HEG1: variants seen among roughly 807,000 people sequenced by gnomAD.
The protein encoded by HEG1 is heart development protein with EGF like domains 1, also known as protein HEG homolog 1.
A neutral mutation model predicts 125.6 loss-of-function variants in HEG1; 56 were observed. The observed-to-expected ratio is 0.45, with a 90% CI of 0.36 to 0.56. HEG1 has a LOEUF of 0.56. HEG1 is among the 20% of genes least tolerant of loss of function. HEG1 has a pLI of 0.00. For synonymous variants in HEG1, 644 were observed against 668.5 expected (o/e 0.96, Z 0.57); for missense variants, 1,523 against 1,670.0 (o/e 0.91, Z 1.53).
At chr3:125,027,958 C>T (rs990600889) in intron 2 of HEG1, among the ~76,000 whole-genome samples, 4 of 152,232 alleles carry the variant, frequency 2.6e-5, no homozygotes, top group African/African-American at 9.6e-5. Context: ...TCATATGCAT[C>T]TTTACAGAAT....
intron 1 of HEG1, among the ~76,000 whole-genome samples, chr3:125,049,491 G>T (rs1019010695): frequency 6.6e-6 from 1 of 152,066 alleles, no homozygotes; most frequent in South Asian, 2.1e-4. Context: ...ATCTGGCCCC[G>T]GCCTCCCTCT....
intron 11 of HEG1, among the ~76,000 whole-genome samples, chr3:124,998,867 A>T (rs1008630311): frequency 1.3e-5 from 2 of 152,132 alleles, no homozygotes; most frequent in Non-Finnish European, 2.9e-5. Context: ...TGCTGTTGTT[A>T]TTGGGGGGCA....
intron 3 of HEG1, among the ~76,000 whole-genome samples, chr3:125,022,425 G>GAGAT (rs1937348736): frequency 6.7e-6 from 1 of 149,258 alleles, no homozygotes; most frequent in African/African-American, 2.5e-5. Flanking sequence ...GAGAGAGAGA[G>GAGAT]CATGCATGGG....
chr3:124,990,684 C>T, intron 14 of HEG1, 103 bp downstream of exon 14: 4 of 1,108,696 alleles, frequency 3.6e-6, no homozygotes, highest in Non-Finnish European at 5.3e-6. Context: ...CCTAAGAAGA[C>T]AGCAGGTGTG....
At chr3:125,028,952 G>A (rs995602732) in intron 2 of HEG1, among the ~76,000 whole-genome samples, 3 of 152,306 alleles carry the variant, frequency 2.0e-5, no homozygotes, top group South Asian at 2.1e-4. Context: ...GAAAAAGAAT[G>A]AAGGTTGGAT....
chr3:125,037,089 T>C (rs1425523296), intron 1 of HEG1, among the ~76,000 whole-genome samples: 1 of 152,234 alleles, frequency 6.6e-6, no homozygotes, highest in Non-Finnish European at 1.5e-5. Flanking sequence ...AATTATGAGA[T>C]AACATTTTAA....
At chr3:124,995,835 C>A (rs1357707655) in intron 12 of HEG1, among the ~76,000 whole-genome samples, 1 of 152,232 alleles carries the variant, frequency 6.6e-6, no homozygotes, top group Non-Finnish European at 1.5e-5. Context: ...AAATCTTTCA[C>A]AGCTATTGTT....
At chr3:124,976,202 G>T (rs1936532296) in intron 15 of HEG1, among the ~76,000 whole-genome samples, 1 of 151,888 alleles carries the variant, frequency 6.6e-6, no homozygotes, top group Non-Finnish European at 1.5e-5. Context: ...GTTTTGTTTT[G>T]TTTGAGACGG....
At chr3:125,014,724 C>A in intron 5 of HEG1, 1 of 1,273,604 alleles carries the variant, frequency 7.9e-7, no homozygotes, top group Non-Finnish European at 1.0e-6. Context: ...TCCGAGTGCA[C>A]TGGAGGCGGC....
At position 125,000,753 on chromosome 3, in the gene HEG1, C is replaced by T. The variant is rs139272399; in HGVS notation, c.3517+1099G>A. ...TGACTGGAAGTTATGGAACCCAGGC[C>T]CACTGGGAATGTCAATGTCATGGAT... On this transcript the variant is annotated intron_variant, in intron 11 of 16. Coordinates refer to ENST00000311127, the MANE Select transcript of HEG1 (RefSeq NM_020733.2). Among the ~76,000 whole-genome samples, 1,318 of 152,232 alleles carry T rather than the reference C, an allele frequency of 8.7e-3. 16 individuals are homozygous for T. The highest frequency in any genetic ancestry group is 0.03 in the African/African-American group (1,236 of 41,530).
rs1457954162 is a variant in HEG1 at position 125,010,501 on chromosome 3, T to C, written c.3011A>G (p.Asn1004Ser). ...CCTGCAGTGGTAGCCACGGCTGGTG[T>C]TGTCTGCGACGCATTCGCCATTGTG... ...CLHNGECVAD[N>S]TSRGYHCRCP... Residue 1004 changes from asparagine to serine, a missense_variant, in exon 7 of 17, where the codon AAC becomes AGC. By Grantham distance (46) the Asn-to-Ser change is conservative (BLOSUM62 1). Coordinates refer to ENST00000311127, the MANE Select transcript of HEG1 (RefSeq NM_020733.2). 1.9e-6 allele frequency: 3 copies of C among 1,560,596 alleles called. No homozygotes were observed. The South Asian group carries it at 3.6e-5, about 18-fold the overall frequency.
intron 1 of HEG1, among the ~76,000 whole-genome samples, chr3:125,043,840 C>T (rs1024508122): frequency 2.0e-5 from 3 of 151,592 alleles, no homozygotes; most frequent in Non-Finnish European, 4.4e-5. Context: ...AATAAAAAGG[C>T]GAGGAAAAAC....
chr3:125,008,690 T>C (rs1382955899), intron 8 of HEG1, among the ~76,000 whole-genome samples: 1 of 152,086 alleles, frequency 6.6e-6, no homozygotes, highest in African/African-American at 2.4e-5. Context: ...CCCAGCTATT[T>C]GGAGGCTGAG....
At chr3:125,030,007 T>A (rs1010409445) in intron 1 of HEG1, among the ~76,000 whole-genome samples, 12 of 152,320 alleles carry the variant, frequency 7.9e-5, no homozygotes, top group African/African-American at 2.9e-4. Flanking sequence ...GTGCATAGAA[T>A]AAATGATGGA....
intron 14 of HEG1, among the ~76,000 whole-genome samples, chr3:124,990,356 T>A (rs373795076): frequency 4.4e-4 from 60 of 137,394 alleles, no homozygotes; most frequent in South Asian, 9.8e-4. Flanking sequence ...TTTTTTTTTT[T>A]AAAACGAAGT....
chr3:124,981,247 T>TTA (rs1553775653), intron 14 of HEG1, among the ~76,000 whole-genome samples: 2 of 148,526 alleles, frequency 1.3e-5, no homozygotes, highest in Non-Finnish European at 3.0e-5. Flanking sequence ...TTTTTTTTTT[T>TTA]AAAGTTTTTT....
At position 124,968,923 on chromosome 3, in the gene HEG1, G is replaced by T. The variant is rs1909586; in HGVS notation, c.*1729C>A. 0.67 allele frequency: 102,266 copies of T among 152,130 alleles called. 35,038 individuals carry two copies. Among genetic ancestry groups the T allele is most frequent in the African/African-American group, 0.82 (33,845 of 41,500 alleles). 9.4% of individuals were successfully genotyped at this position (152,130 alleles called of 1,614,324 possible). A position where few individuals can be genotyped will look rare whatever the true frequency, so the allele number is the denominator to read the frequency against. On this transcript the variant is annotated 3_prime_UTR_variant, in exon 17 of 17. Transcript: ENST00000311127. ...TATTTATCTCATGGATAAGTGCAAT[G>T]TAACTACTAAAATGCACCTCCCCTG... is the stretch of plus-strand genomic sequence containing the variant.
At chr3:125,045,907 G>C (rs1273034946) in intron 1 of HEG1, among the ~76,000 whole-genome samples, 2 of 152,148 alleles carry the variant, frequency 1.3e-5, no homozygotes, top group African/African-American at 4.8e-5. Context: ...ACTTGCCCAA[G>C]GTCATGGCCA....
chr3:124,994,825 C>A (rs1207041854), intron 12 of HEG1, among the ~76,000 whole-genome samples: 2 of 152,204 alleles, frequency 1.3e-5, no homozygotes, highest in African/African-American at 4.8e-5. Context: ...CTTAAAAACT[C>A]TTTTGTTCCC....
Sources: allele counts gnomAD v4.1 joint callset (sites outside exome capture counted in the v4.1 genomes callset), GRCh38; gene constraint gnomAD v4.1.1; transcripts MANE v1.5; gene names NCBI Gene and HGNC (gene_info 2026-07-23, HGNC 2026-07-21).